CNNM1: variants seen among roughly 807,000 people sequenced by gnomAD.
The protein encoded by CNNM1 is metal transporter CNNM1.
Under a neutral mutation model 78.8 loss-of-function variants are expected in CNNM1, and 44 were observed. The ratio of observed to expected loss-of-function variants is 0.56; its 90% CI spans 0.44 to 0.72. CNNM1 has a LOEUF of 0.72. Among genes scored for constraint, CNNM1 ranks in the 30% least tolerant of loss-of-function variants. CNNM1 has a pLI of 0.00. For synonymous variants in CNNM1, 584 were observed against 581.5 expected (o/e 1.00, Z -0.06); for missense variants, 1,101 against 1,292.2 (o/e 0.85, Z 2.27).
At chr10:99,384,471 C>A (rs183612363) in intron 7 of CNNM1, among the ~76,000 whole-genome samples, 1 of 152,250 alleles carries the variant, frequency 6.6e-6, no homozygotes, top group African/African-American at 2.4e-5. Flanking sequence ...ACAGTGCAGA[C>A]CCTCTCCAGC....
chr10:99,385,968 A>G (rs534968239), intron 7 of CNNM1, among the ~76,000 whole-genome samples: 1 of 152,230 alleles, frequency 6.6e-6, no homozygotes, highest in Non-Finnish European at 1.5e-5. Flanking sequence ...CTTTGGTGTT[A>G]GAGCCAAATT....
intron 1 of CNNM1, among the ~76,000 whole-genome samples, chr10:99,345,278 CA>C: frequency 6.6e-6 from 1 of 152,142 alleles, no homozygotes; most frequent in South Asian, 2.1e-4. Flanking sequence ...TCTCAGGATT[CA>C]GCTTGGTTTA....
intron 7 of CNNM1, among the ~76,000 whole-genome samples, chr10:99,383,710 TAGAG>T (rs888809000): frequency 6.6e-6 from 1 of 152,018 alleles, no homozygotes; most frequent in Non-Finnish European, 1.5e-5. Context: ...AGGGACTGGG[TAGAG>T]AGAGAAGCTG....
chr10:99,368,894 G>A (rs1289740665), intron 6 of CNNM1, among the ~76,000 whole-genome samples: 3 of 152,214 alleles, frequency 2.0e-5, no homozygotes, highest in Admixed American at 6.5e-5. Context: ...TCCCAGGAAT[G>A]TATCTGTGTA....
intron 7 of CNNM1, among the ~76,000 whole-genome samples, chr10:99,380,639 A>G (rs1302121286): frequency 1.3e-5 from 2 of 151,970 alleles, no homozygotes; most frequent in Non-Finnish European, 2.9e-5. Flanking sequence ...AAAAATACAA[A>G]AATTAGCCAG....
chr10:99,386,382 A>C lies in CNNM1; in HGVS notation c.2341-1438A>C, dbSNP rs1158778133. On this transcript the variant is annotated intron_variant, in intron 7 of 10. Transcript: ENST00000356713. ...TAGTAAATTAGAAACTCTGAGAGTTAAACCCAAAAATCTTGTTTTAACAAG... is the reference window on the plus strand; with the variant it reads ...TAGTAAATTAGAAACTCTGAGAGTTCAACCCAAAAATCTTGTTTTAACAAG... Among the ~76,000 whole-genome samples, 4 of 152,360 alleles carry C rather than the reference A, an allele frequency of 2.6e-5. No individual in the cohort carries two copies. The East Asian group carries it at 7.7e-4, about 29-fold the overall frequency.
At chr10:99,335,050 C>T (rs949196551) in intron 1 of CNNM1, among the ~76,000 whole-genome samples, 2 of 152,232 alleles carry the variant, frequency 1.3e-5, no homozygotes, top group Non-Finnish European at 2.9e-5. Context: ...TTCCTTCCTC[C>T]ATCCTGGAAT....
At chr10:99,366,397 TAA>T (rs2031619645) in intron 6 of CNNM1, among the ~76,000 whole-genome samples, 1 of 150,884 alleles carries the variant, frequency 6.6e-6, no homozygotes, top group South Asian at 2.1e-4. Context: ...TCCAGAAGAC[TAA>T]AAGAGGTGGA....
At chr10:99,378,427 G>A (rs1037141509) in intron 7 of CNNM1, among the ~76,000 whole-genome samples, 1 of 152,230 alleles carries the variant, frequency 6.6e-6, no homozygotes, top group African/African-American at 2.4e-5. Context: ...CAGGGTGGAA[G>A]AAGGTCCTTC....
At chr10:99,332,581 T>A (rs1272628274) in intron 1 of CNNM1, among the ~76,000 whole-genome samples, 1 of 152,018 alleles carries the variant, frequency 6.6e-6, no homozygotes, top group African/African-American at 2.4e-5. Context: ...GAAAATTCAA[T>A]CTCACTACTT....
At chr10:99,388,401 C>A in intron 9 of CNNM1, 100 bp downstream of exon 9, 1 of 1,400,908 alleles carries the variant, frequency 7.1e-7, no homozygotes, top group Non-Finnish European at 9.6e-7. Context: ...CCTGGGACCG[C>A]AGCCCGTGCG....
At chr10:99,363,935 G>A (rs184836876) in intron 4 of CNNM1, among the ~76,000 whole-genome samples, 188 of 151,916 alleles carry the variant, frequency 1.2e-3, no homozygotes, top group African/African-American at 4.3e-3. Context: ...AGTAGAGATG[G>A]GGTTTCACCA....
chr10:99,377,327 C>T (rs2032005313), intron 7 of CNNM1, 109 bp downstream of exon 7: 1 of 1,066,328 alleles, frequency 9.4e-7, no homozygotes, highest in Non-Finnish European at 1.4e-6. Context: ...GCACCATTCC[C>T]CTGTGTTCCA....
At chr10:99,369,900 G>C (rs2031744890) in intron 6 of CNNM1, among the ~76,000 whole-genome samples, 1 of 152,144 alleles carries the variant, frequency 6.6e-6, no homozygotes, top group Non-Finnish European at 1.5e-5. Flanking sequence ...TCCTTCACAT[G>C]CAGTGAATCT....
At chr10:99,369,974 CTT>C (rs1334611998) in intron 6 of CNNM1, among the ~76,000 whole-genome samples, 1 of 152,172 alleles carries the variant, frequency 6.6e-6, no homozygotes, top group Admixed American at 6.5e-5. Context: ...TTTTAAAAGA[CTT>C]TCAGCCCAAA....
intron 6 of CNNM1, among the ~76,000 whole-genome samples, chr10:99,367,933 A>G (rs2031678151): frequency 6.6e-6 from 1 of 152,026 alleles, no homozygotes; most frequent in Non-Finnish European, 1.5e-5. Flanking sequence ...ACCATTTCAA[A>G]CTCTGTGGGG....
chr10:99,358,450 GAAT>G (rs1157633676), intron 2 of CNNM1, among the ~76,000 whole-genome samples: 1 of 152,196 alleles, frequency 6.6e-6, no homozygotes, highest in Non-Finnish European at 1.5e-5. Context: ...TCATCTCATG[GAAT>G]AGCCATCCTT....
rs755517165 is a variant in CNNM1 at position 99,387,966 on chromosome 10, C to T, written c.2487C>T (p.Pro829=). The change falls in exon 8 of 11, where the codon CCC becomes CCT. Residue 829 remains proline, a synonymous_variant. Coordinates refer to ENST00000356713, the MANE Select transcript of CNNM1 (RefSeq NM_020348.3). The part of the protein sequence containing the change: ...RGTPQTPKDD[P]AITLLNNRNS... ...CACCCCAGACCCCTAAGGATGACCC[C>T]GCCATCACGCTCCTCAACAACAGGA... 2.5e-6 allele frequency: 4 copies of T among 1,600,504 alleles called. No individual in the cohort carries two copies. Among genetic ancestry groups the T allele is most frequent in the Admixed American group, 1.7e-5 (1 of 57,980 alleles).
intron 1 of CNNM1, 87 bp downstream of exon 1, chr10:99,331,047 A>G (rs977680199): frequency 9.1e-6 from 12 of 1,325,106 alleles, no homozygotes; most frequent in African/African-American, 4.4e-5. Context: ...TAGGTACCCA[A>G]AGCAATTTCT....
Sources: allele counts gnomAD v4.1 joint callset (sites outside exome capture counted in the v4.1 genomes callset), GRCh38; gene constraint gnomAD v4.1.1; transcripts MANE v1.5; gene names NCBI Gene and HGNC (gene_info 2026-07-23, HGNC 2026-07-21).